The following KIAA1328 variants were observed in gnomAD, a reference collection of about 807,000 sequenced individuals.
The protein encoded by KIAA1328 is KIAA1328, also known as protein hinderin.
KIAA1328 carries 52 observed loss-of-function variants against 68.1 expected under a neutral mutation model. The observed-to-expected ratio is 0.76, with a 90% CI of 0.61 to 0.96. The LOEUF (loss-of-function observed/expected upper bound fraction) is 0.96, where lower values mean the gene tolerates loss of function less well. Ranked by LOEUF, KIAA1328 falls within the 40% of genes least tolerant of loss-of-function variation. The probability of loss-of-function intolerance (pLI) is 0.00; values close to 1 mark genes in which losing one functional copy is unlikely to be tolerated. For synonymous variants in KIAA1328, 232 were observed against 239.4 expected (o/e 0.97, Z 0.28); for missense variants, 641 against 677.6 (o/e 0.95, Z 0.60).
At chr18:36,974,862 A>T (rs527320785) in intron 6 of KIAA1328, among the ~76,000 whole-genome samples, 1 of 152,202 alleles carries the variant, frequency 6.6e-6, no homozygotes, top group African/African-American at 2.4e-5. Context: ...GCCATCTGTC[A>T]TAGGGCATTG....
At chr18:36,830,309 G>A (rs2046428274) in intron 1 of KIAA1328, among the ~76,000 whole-genome samples, 1 of 152,218 alleles carries the variant, frequency 6.6e-6, no homozygotes, top group African/African-American at 2.4e-5. Flanking sequence ...TCTCTGATAG[G>A]TTGGTGAAAA....
At chr18:36,956,139 A>G (rs1475722705) in intron 5 of KIAA1328, among the ~76,000 whole-genome samples, 1 of 152,178 alleles carries the variant, frequency 6.6e-6, no homozygotes, top group Non-Finnish European at 1.5e-5. Flanking sequence ...GCTTTACTAC[A>G]TGATTATTTT....
intron 6 of KIAA1328, among the ~76,000 whole-genome samples, chr18:36,968,017 A>C (rs2052014982): frequency 6.6e-6 from 1 of 152,168 alleles, no homozygotes; most frequent in South Asian, 2.1e-4. Flanking sequence ...TGGAAAACAT[A>C]TTTCAGGATA....
chr18:37,225,258 TATTTTGA>T lies in KIAA1328; in HGVS notation c.*3034_*3040del. ...CACGATTTATCCTCAGCTCAGAGTGTATTTTGAATATGAGCAAATGTTTATGTACGTA... is the reference window on the plus strand; with the variant it reads ...CACGATTTATCCTCAGCTCAGAGTGTATATGAGCAAATGTTTATGTACGTA... On this transcript the variant is annotated 3_prime_UTR_variant, in exon 10 of 10. Coordinates refer to ENST00000280020, the MANE Select transcript of KIAA1328 (RefSeq NM_020776.3). 1.0e-6 allele frequency: 1 copy of T among 985,400 alleles called. No homozygotes were observed. Among genetic ancestry groups the T allele is most frequent in the East Asian group, 1.1e-4 (1 of 8,818 alleles). The allele number at this position is 985,400 out of a possible 1,614,324, so 61.0% of individuals were successfully genotyped here.
At chr18:36,829,513 C>T (rs1298712403) in intron 1 of KIAA1328, 2 of 1,102,508 alleles carry the variant, frequency 1.8e-6, no homozygotes, top group East Asian at 8.7e-5. Flanking sequence ...TCCCTCTGCC[C>T]ACCCTGTCAG....
chr18:37,122,874 G>T (rs1048818595), intron 7 of KIAA1328, among the ~76,000 whole-genome samples: 2 of 152,108 alleles, frequency 1.3e-5, no homozygotes, highest in African/African-American at 4.8e-5. Flanking sequence ...AAACACGGTT[G>T]ATGATTTTGT....
intron 7 of KIAA1328, among the ~76,000 whole-genome samples, chr18:37,101,506 A>G (rs1347980270): frequency 1.3e-5 from 2 of 152,234 alleles, no homozygotes; most frequent in African/African-American, 4.8e-5. Flanking sequence ...TCCAAGAAAT[A>G]TGGGACTATG....
rs543376533 is a variant in KIAA1328 at position 37,144,746 on chromosome 18, T to G, written c.1233-15454T>G. On this transcript the variant is annotated intron_variant, in intron 7 of 9. Coordinates refer to ENST00000280020, the MANE Select transcript of KIAA1328 (RefSeq NM_020776.3). Reference sequence around the variant, plus strand: ...GGTTTCGCCATGTTGCCCAGACTGGTCTTGAACCCCTGGTTTGAAGTTATC... The same window carrying G: ...GGTTTCGCCATGTTGCCCAGACTGGGCTTGAACCCCTGGTTTGAAGTTATC... Among the ~76,000 whole-genome samples, 8 of 152,168 alleles carry G rather than the reference T, an allele frequency of 5.3e-5. 1 individual carries two copies. In the South Asian group the frequency reaches 1.7e-3, roughly 32 times the overall value.
At chr18:37,063,492 T>C (rs6507191) in intron 6 of KIAA1328, 53,954 of 229,256 alleles carry the variant, frequency 0.24, 9,847 homozygotes, top group African/African-American at 0.59. Context: ...TAATATAATC[T>C]CAGGATTTAT....
At chr18:36,840,192 C>T (rs149550426) in intron 3 of KIAA1328, among the ~76,000 whole-genome samples, 199 of 152,276 alleles carry the variant, frequency 1.3e-3, no homozygotes, top group African/African-American at 4.3e-3. Context: ...TTGTAGGGCT[C>T]GCCTTGTTTG....
chr18:37,184,171 T>C (rs2059749822), intron 9 of KIAA1328, among the ~76,000 whole-genome samples: 2 of 152,206 alleles, frequency 1.3e-5, no homozygotes, highest in African/African-American at 4.8e-5. Context: ...GCTTTATGTC[T>C]TCACCACATC....
chr18:37,220,934 C>G (rs1257416891), intron 9 of KIAA1328, among the ~76,000 whole-genome samples: 1 of 152,218 alleles, frequency 6.6e-6, no homozygotes, highest in African/African-American at 2.4e-5. Flanking sequence ...TCAAGCGATT[C>G]TCCTGCCTCA....
chr18:37,216,340 G>A (rs1015466412), intron 9 of KIAA1328, among the ~76,000 whole-genome samples: 12 of 152,072 alleles, frequency 7.9e-5, no homozygotes, highest in South Asian at 4.2e-4. Context: ...ATTCTGGTAC[G>A]TCATGTCTTT....
intron 7 of KIAA1328, among the ~76,000 whole-genome samples, chr18:37,090,052 G>C (rs913308372): frequency 6.6e-6 from 1 of 152,140 alleles, no homozygotes; most frequent in Non-Finnish European, 1.5e-5. Context: ...ATGCAGGAAG[G>C]CAGCAATGTA....
Position 37,178,419 on chromosome 18 carries a change from C to T in KIAA1328, c.1523+5338C>T, listed in dbSNP as rs543498981. On this transcript the variant is annotated intron_variant, in intron 9 of 9. Transcript: ENST00000280020. Reference sequence around the variant, plus strand: ...TATGTTGCCACAAATGACAGGATTTCATTCTTATTTATGGCTGAATAGTAT... The same window carrying T: ...TATGTTGCCACAAATGACAGGATTTTATTCTTATTTATGGCTGAATAGTAT... Among the ~76,000 whole-genome samples the T allele has an allele frequency of 2.0e-5, 3 of 152,266 alleles. No individual in the cohort carries two copies. In the South Asian group the frequency reaches 6.2e-4, roughly 32 times the overall value.
intron 6 of KIAA1328, among the ~76,000 whole-genome samples, chr18:36,967,251 A>T (rs2051979191): frequency 6.6e-6 from 1 of 152,244 alleles, no homozygotes; most frequent in Non-Finnish European, 1.5e-5. Flanking sequence ...TTCTAGCTTT[A>T]AAGATGAATG....
chr18:37,037,793 T>C (rs1229791442), intron 6 of KIAA1328, among the ~76,000 whole-genome samples: 1 of 148,278 alleles, frequency 6.7e-6, no homozygotes, highest in South Asian at 2.1e-4. Context: ...CTCCTTACTA[T>C]ACATATGGTT....
At chr18:37,168,039 C>T (rs1260117748) in intron 8 of KIAA1328, among the ~76,000 whole-genome samples, 1 of 152,126 alleles carries the variant, frequency 6.6e-6, no homozygotes, top group Non-Finnish European at 1.5e-5. Flanking sequence ...AGATTTAGCC[C>T]AGGAATACAA....
chr18:36,931,256 T>C (rs1230820932), intron 5 of KIAA1328, among the ~76,000 whole-genome samples: 2 of 152,236 alleles, frequency 1.3e-5, no homozygotes. Flanking sequence ...GTTAGTGACC[T>C]GTTAGGAACC....
Sources: allele counts gnomAD v4.1 joint callset (sites outside exome capture counted in the v4.1 genomes callset), GRCh38; gene constraint gnomAD v4.1.1; transcripts MANE v1.5; gene names NCBI Gene and HGNC (gene_info 2026-07-23, HGNC 2026-07-21).